The following USP43 variants were observed in gnomAD, a reference collection of about 807,000 sequenced individuals.
USP43 encodes ubiquitin specific peptidase 43.
USP43 carries 33 observed loss-of-function variants against 90.7 expected under a neutral mutation model. That is an observed-to-expected ratio of 0.36 (90% CI 0.28 to 0.49). The LOEUF (loss-of-function observed/expected upper bound fraction) is 0.49, where lower values mean the gene tolerates loss of function less well. USP43 is among the 20% of genes least tolerant of loss of function. The probability of loss-of-function intolerance (pLI) is 0.98; values close to 1 mark genes in which losing one functional copy is unlikely to be tolerated. For synonymous variants in USP43, 598 were observed against 615.8 expected, an observed-to-expected ratio of 0.97 and a Z score of 0.43; for missense variants, 1,274 against 1,476.4, an observed-to-expected ratio of 0.86 and a Z score of 2.25.
intron 3 of USP43, among the ~76,000 whole-genome samples, chr17:9,671,279 A>T (rs1457789450): frequency 6.7e-6 from 1 of 149,594 alleles, no homozygotes; most frequent in Non-Finnish European, 1.5e-5. Context: ...TGGAGGAGGG[A>T]GTGTGTGTGT....
intron 6 of USP43, among the ~76,000 whole-genome samples, chr17:9,681,192 A>G (rs1200689846): frequency 0.012 from 813 of 68,444 alleles, 133 homozygotes; most frequent in African/African-American, 0.062. Context: ...ATACTATATA[A>G]TATATACTAT....
Position 9,645,685 on chromosome 17 carries a change from C to CGGGACA in USP43, c.53_54insGGGACA (p.Pro18_Arg19insGlyHis). ...GGAGGGGGACCGCTCGCGCCCCGGC[C>CGGGACA]CCGCCGCCGCCGCTCCCTGCGCCGC... On this transcript the variant is annotated inframe_insertion, in exon 1 of 15. Coordinates refer to ENST00000285199, the MANE Select transcript of USP43 (RefSeq NM_153210.5). The surrounding 1 kb of genome is among the most constrained non-coding windows in gnomAD (Gnocchi z 6.8). 7.8e-7 allele frequency: 1 copy of CGGGACA among 1,287,770 alleles called. No individual in the cohort carries two copies. Among genetic ancestry groups the CGGGACA allele is most frequent in the Non-Finnish European group, 9.8e-7 (1 of 1,024,022 alleles). The allele number at this position is 1,287,770 out of a possible 1,614,324, so 79.8% of individuals were successfully genotyped here. A position where few individuals can be genotyped will look rare whatever the true frequency, so the allele number is the denominator to read the frequency against.
In USP43 at chr17:9,728,266, T is replaced by A. The variant is rs1917382087; in HGVS notation, c.2648T>A (p.Ile883Asn). 1 of 1,613,476 alleles carries A rather than the reference T, an allele frequency of 6.2e-7. No individual in the cohort carries two copies. The highest frequency in any genetic ancestry group is 1.3e-5 in the African/African-American group (1 of 74,894). ...AACAGCGAAGATGGTGGGCGGGCCA[T>A]TGAAAGAGGTCCAGCCGGGGTGCCC... ...PANSEDGGRA[I>N]ERGPAGVPCP... Residue 883 changes from isoleucine (I) to asparagine (N), a missense_variant, in exon 15 of 15, where the codon ATT becomes AAT. This residue lies in a region of USP43 where 353 missense variants were observed against 329.7 expected (regional missense o/e 1.07). Coordinates refer to ENST00000285199, the MANE Select transcript of USP43 (RefSeq NM_153210.5). This position sits in a 1 kb window ranked among gnomAD's most constrained non-coding sequence, Gnocchi z 6.2.
chr17:9,662,683 G>A (rs556122304), intron 2 of USP43, among the ~76,000 whole-genome samples: 129 of 152,270 alleles, frequency 8.5e-4, no homozygotes, highest in African/African-American at 2.6e-3. Flanking sequence ...TAGCTGCCAA[G>A]TTAAAGCATC....
At chr17:9,725,088 C>T (rs1339727509) in intron 14 of USP43, among the ~76,000 whole-genome samples, 2 of 152,148 alleles carry the variant, frequency 1.3e-5, no homozygotes, top group Non-Finnish European at 2.9e-5. Flanking sequence ...TGGCCGTTCT[C>T]AAAGCAGCAT....
intron 1 of USP43, among the ~76,000 whole-genome samples, chr17:9,655,739 T>C (rs1912196602): frequency 6.6e-6 from 1 of 152,208 alleles, no homozygotes; most frequent in East Asian, 1.9e-4. Flanking sequence ...TGGCGTGTGG[T>C]TGGCACTCAA....
chr17:9,658,889 T>C (rs1224029858), intron 2 of USP43, among the ~76,000 whole-genome samples: 3 of 152,180 alleles, frequency 2.0e-5, no homozygotes, highest in Non-Finnish European at 2.9e-5. Flanking sequence ...GGTAAGAAGA[T>C]GGCCTTCTGC....
chr17:9,685,715 T>A (rs1298270224), intron 7 of USP43, among the ~76,000 whole-genome samples: 1 of 152,178 alleles, frequency 6.6e-6, no homozygotes, highest in African/African-American at 2.4e-5. Context: ...ATTTATGGGG[T>A]ACGGAGTGAT....
At chr17:9,668,737 G>C (rs925935217) in intron 3 of USP43, among the ~76,000 whole-genome samples, 7 of 152,188 alleles carry the variant, frequency 4.6e-5, no homozygotes, top group African/African-American at 1.7e-4. Context: ...CCTGAGGGAT[G>C]TGGTAACTCT....
At chr17:9,724,574 G>A (rs1917156141) in intron 14 of USP43, among the ~76,000 whole-genome samples, 1 of 152,200 alleles carries the variant, frequency 6.6e-6, no homozygotes, top group Non-Finnish European at 1.5e-5. Context: ...CAGCTACTGG[G>A]GAGGCTGAGG....
intron 7 of USP43, among the ~76,000 whole-genome samples, chr17:9,683,481 A>T (rs965311649): frequency 5.3e-5 from 8 of 152,212 alleles, no homozygotes; most frequent in Admixed American, 2.0e-4. Context: ...TTGAATAATA[A>T]ACTGGTAAAA....
chr17:9,653,819 C>T (rs755679457), intron 1 of USP43, among the ~76,000 whole-genome samples: 3 of 152,034 alleles, frequency 2.0e-5, no homozygotes, highest in Non-Finnish European at 4.4e-5. Context: ...GTCTGGTCTA[C>T]CATGAAGTCA....
In USP43 at chr17:9,681,463, T is replaced by C. The variant is rs867680371; in HGVS notation, c.1105+1097T>C. Among the ~76,000 whole-genome samples the C allele has an allele frequency of 1.2e-3, 24 of 19,482 alleles. No homozygotes were observed. The Admixed American group carries it at 0.016, about 13-fold the overall frequency. 12.8% of individuals were successfully genotyped at this position (19,482 alleles called of 152,430 possible). The stretch of plus-strand genomic sequence containing the variant: ...ATAGATAAATATATATAAAATATAT[T>C]ATATATATATATATATATATATATA... On this transcript the variant is annotated intron_variant, in intron 6 of 14. Coordinates refer to ENST00000285199, the MANE Select transcript of USP43 (RefSeq NM_153210.5).
intron 3 of USP43, among the ~76,000 whole-genome samples, chr17:9,666,969 C>T (rs1398937314): frequency 6.6e-6 from 1 of 152,078 alleles, no homozygotes; most frequent in African/African-American, 2.4e-5. Flanking sequence ...TCTGAGCTCT[C>T]CACCTTACTT....
intron 1 of USP43, among the ~76,000 whole-genome samples, chr17:9,650,553 C>T (rs531893607): frequency 2.0e-5 from 3 of 152,146 alleles, no homozygotes; most frequent in Admixed American, 2.0e-4. Context: ...CAGACATGCA[C>T]CACCATGCCC....
At chr17:9,692,840 A>G (rs183036299) in intron 8 of USP43, among the ~76,000 whole-genome samples, 124 of 152,318 alleles carry the variant, frequency 8.1e-4, no homozygotes, top group Non-Finnish European at 2.5e-4. Context: ...ATGTACCAGT[A>G]TCTGCTCCAG....
rs148818459 is a variant in USP43 at position 9,667,340 on chromosome 17, C to T, written c.740+589C>T. Among the ~76,000 whole-genome samples the T allele has an allele frequency of 8.4e-3, 1,282 of 151,792 alleles. 11 individuals carry two copies. The highest frequency in any genetic ancestry group is 0.021 in the Middle Eastern group (6 of 292). On this transcript the variant is annotated intron_variant, in intron 3 of 14. Transcript: ENST00000285199. ...TGATCGAGGCTGGCGTACAGTGAGC[C>T]GTGATCGCACCACTGTACTCCAGCC...
intron 12 of USP43, among the ~76,000 whole-genome samples, chr17:9,708,789 A>G (rs900685325): frequency 2.0e-5 from 3 of 152,030 alleles, no homozygotes; most frequent in Non-Finnish European, 4.4e-5. Context: ...CACTACGCCC[A>G]GCTAATTTTT....
chr17:9,701,827 C>T lies in USP43; in HGVS notation c.2011+127C>T. 1.3e-6 allele frequency: 1 copy of T among 780,380 alleles called. No individual in the cohort carries two copies. The highest frequency in any genetic ancestry group is 2.0e-6 in the Non-Finnish European group (1 of 509,390). 48.3% of individuals were successfully genotyped at this position (780,380 alleles called of 1,614,324 possible). On this transcript the variant is annotated intron_variant, in intron 12 of 14. Coordinates refer to ENST00000285199, the MANE Select transcript of USP43 (RefSeq NM_153210.5). This position sits in a 1 kb window ranked among gnomAD's most constrained non-coding sequence, Gnocchi z 7.2. ...TTGAGATCCGACCCCTCACCCACCG[C>T]ACACCAGGAAGATGAGGATGAGGAA...
Sources: gnomAD v4.1 joint callset for allele counts (sites outside exome capture counted in the v4.1 genomes callset) on GRCh38, gnomAD v4.1.1 for gene constraint, gnomAD v4.1.1 regional missense constraint, Gnocchi (gnomAD v3.1) non-coding constraint, MANE v1.5 for transcripts, NCBI Gene and HGNC (gene_info 2026-07-23, HGNC 2026-07-21) for gene names.